The following TAF3 variants were observed in gnomAD, a reference collection of about 807,000 sequenced individuals.
The protein encoded by TAF3 is TATA-box binding protein associated factor 3, also known as transcription initiation factor TFIID subunit 3.
Under a neutral mutation model 80.6 loss-of-function variants are expected in TAF3, and 7 were observed. That is an observed-to-expected ratio of 0.09 (90% confidence interval 0.05 to 0.16). TAF3 has a LOEUF of 0.16. Ranked by LOEUF, TAF3 falls within the 10% of genes least tolerant of loss-of-function variation. The probability of loss-of-function intolerance (pLI) is 1.00; values close to 1 mark genes in which losing one functional copy is unlikely to be tolerated. For synonymous variants in TAF3, 444 were observed against 446.1 expected, an observed-to-expected ratio of 1.00 and a Z score of 0.06; for missense variants, 921 against 1,140.2, an observed-to-expected ratio of 0.81 and a Z score of 2.77.
chr10:7,907,978 T>C (rs1837621134), intron 2 of TAF3, among the ~76,000 whole-genome samples: 1 of 152,162 alleles, frequency 6.6e-6, no homozygotes. Flanking sequence ...GAGGCTCAGT[T>C]CAGGAGATAC....
At chr10:7,982,404 C>CT (rs1462802913) in intron 4 of TAF3, among the ~76,000 whole-genome samples, 2 of 151,842 alleles carry the variant, frequency 1.3e-5, no homozygotes, top group Admixed American at 6.6e-5. Context: ...ATTTATTTAT[C>CT]TTTTTTTTGA....
intron 2 of TAF3, among the ~76,000 whole-genome samples, chr10:7,839,887 T>G (rs1836893406): frequency 6.6e-6 from 1 of 152,214 alleles, no homozygotes; most frequent in Admixed American, 6.5e-5. Context: ...TGTATACATG[T>G]CAGCAGTCAG....
At chr10:7,962,433 T>A (rs1371639747) in intron 2 of TAF3, among the ~76,000 whole-genome samples, 1 of 152,212 alleles carries the variant, frequency 6.6e-6, no homozygotes, top group Admixed American at 6.5e-5. Flanking sequence ...CTCTGTTGTC[T>A]AAAATCCTTC....
intron 2 of TAF3, among the ~76,000 whole-genome samples, chr10:7,893,469 C>T (rs1837477214): frequency 6.6e-6 from 1 of 152,146 alleles, no homozygotes; most frequent in African/African-American, 2.4e-5. Flanking sequence ...ACGTCGTGAC[C>T]CATCAGAATC....
At chr10:7,841,352 C>T (rs1391761292) in intron 2 of TAF3, among the ~76,000 whole-genome samples, 1 of 152,192 alleles carries the variant, frequency 6.6e-6, no homozygotes, top group Non-Finnish European at 1.5e-5. Flanking sequence ...AATAGAGGTC[C>T]TTCCCTGCTT....
chr10:7,962,051 A>G (rs977742363), intron 2 of TAF3, among the ~76,000 whole-genome samples: 5 of 151,668 alleles, frequency 3.3e-5, no homozygotes, highest in African/African-American at 9.7e-5. Context: ...GGGTCTCACT[A>G]TGTTGCCCAG....
At chr10:7,957,290 G>GAT (rs932063743) in intron 2 of TAF3, among the ~76,000 whole-genome samples, 3 of 152,182 alleles carry the variant, frequency 2.0e-5, no homozygotes, top group Non-Finnish European at 4.4e-5. Context: ...TAGGGCAGAC[G>GAT]ATGGGGAGAT....
chr10:7,884,532 G>A (rs1381412925), intron 2 of TAF3, among the ~76,000 whole-genome samples: 6 of 151,906 alleles, frequency 3.9e-5, no homozygotes, highest in Non-Finnish European at 8.8e-5. Context: ...GATTATAGGC[G>A]CCCGCCACCA....
At chr10:7,933,921 A>C (rs2131199552) in intron 2 of TAF3, among the ~76,000 whole-genome samples, 1 of 152,326 alleles carries the variant, frequency 6.6e-6, no homozygotes, top group East Asian at 1.9e-4. Context: ...GATGCATCTC[A>C]CAGTCACTGC....
At chr10:7,914,749 A>G (rs1001395119) in intron 2 of TAF3, among the ~76,000 whole-genome samples, 2 of 152,146 alleles carry the variant, frequency 1.3e-5, no homozygotes, top group African/African-American at 4.8e-5. Context: ...TGAGAACTCA[A>G]ATATGACCCA....
chr10:7,933,314 GAGTT>G (rs1226328024), intron 2 of TAF3, among the ~76,000 whole-genome samples: 1 of 152,184 alleles, frequency 6.6e-6, no homozygotes. Context: ...ATAGTGGAAA[GAGTT>G]AGATCACATC....
chr10:8,011,069 A>G (rs1399181561), intron 5 of TAF3, among the ~76,000 whole-genome samples: 2 of 152,164 alleles, frequency 1.3e-5, no homozygotes, highest in Non-Finnish European at 2.9e-5. Flanking sequence ...ACACACAACG[A>G]AATATTTAAG....
rs367879646 is a variant in TAF3, at chr10:7,949,136, G to A, written c.410-14784G>A. ...TGAAGTAAGTGGGCTCAGCATTATTGTGTGAGTGTCTGTGCGTGCACAGAT... is the reference window on the plus strand; with the variant it reads ...TGAAGTAAGTGGGCTCAGCATTATTATGTGAGTGTCTGTGCGTGCACAGAT... On this transcript the variant is annotated intron_variant, in intron 2 of 6. Transcript: ENST00000344293. 4.1e-4 allele frequency among the ~76,000 whole-genome samples: 63 copies of A among 152,348 alleles called. 1 individual carries two copies. In the East Asian group the frequency reaches 0.011, roughly 27 times the overall value.
intron 4 of TAF3, among the ~76,000 whole-genome samples, chr10:8,002,518 G>C (rs774490495): frequency 3.5e-4 from 53 of 152,096 alleles, no homozygotes; most frequent in Non-Finnish European, 7.1e-4. Context: ...AATTAGAAAG[G>C]CTTTTTGTTC....
At chr10:7,829,459 A>G (rs1392527599) in intron 2 of TAF3, among the ~76,000 whole-genome samples, 1 of 152,150 alleles carries the variant, frequency 6.6e-6, no homozygotes, top group Non-Finnish European at 1.5e-5. Context: ...TGGCTGTGAC[A>G]GTTTTTCAGA....
intron 2 of TAF3, among the ~76,000 whole-genome samples, chr10:7,955,341 A>C (rs979036057): frequency 6.6e-6 from 1 of 152,230 alleles, no homozygotes; most frequent in African/African-American, 2.4e-5. Context: ...CTACATCTGC[A>C]TACATTTTTC....
chr10:7,971,150 A>G (rs565505060), intron 3 of TAF3, among the ~76,000 whole-genome samples: 57 of 152,204 alleles, frequency 3.7e-4, no homozygotes, highest in Non-Finnish European at 7.3e-4. Context: ...TCAGCTGTCT[A>G]CATGGGGTGG....
intron 2 of TAF3, among the ~76,000 whole-genome samples, chr10:7,878,618 GT>G (rs1837331225): frequency 6.6e-6 from 1 of 152,178 alleles, no homozygotes; most frequent in South Asian, 2.1e-4. Context: ...AGGGAGTCCT[GT>G]AAGTGAGAAA....
chr10:8,014,088 T>C (rs543181522), intron 6 of TAF3, among the ~76,000 whole-genome samples: 1 of 152,190 alleles, frequency 6.6e-6, no homozygotes, highest in South Asian at 2.1e-4. Context: ...TTAAAAATAA[T>C]AATACTAAAA....
Sources: allele counts gnomAD v4.1 joint callset (sites outside exome capture counted in the v4.1 genomes callset), GRCh38; gene constraint gnomAD v4.1.1; transcripts MANE v1.5; gene names NCBI Gene and HGNC (gene_info 2026-07-23, HGNC 2026-07-21).